NEGR1: variants seen among roughly 807,000 people sequenced by gnomAD.
NEGR1 encodes the protein IgLON family member 4.
A neutral mutation model predicts 40.9 loss-of-function variants in NEGR1; 10 were observed. That is an observed-to-expected ratio of 0.24 (90% CI 0.15 to 0.42). NEGR1 has a LOEUF of 0.42. Among genes scored for constraint, NEGR1 ranks in the 10% least tolerant of loss-of-function variants. The pLI is 1.00. For missense variants in NEGR1, 352 were observed against 438.9 expected (o/e 0.80, Z 1.77); for synonymous variants, 185 against 166.8 (o/e 1.11, Z -0.84).
intron 2 of NEGR1, among the ~76,000 whole-genome samples, chr1:71,821,309 A>G (rs538486811): frequency 6.6e-6 from 1 of 152,120 alleles, no homozygotes; most frequent in East Asian, 1.9e-4. Context: ...GGAAGAACAC[A>G]TGCATTCCAG....
chr1:71,659,929 G>A (rs2101589498), intron 4 of NEGR1, among the ~76,000 whole-genome samples: 1 of 152,242 alleles, frequency 6.6e-6, no homozygotes, highest in Admixed American at 6.5e-5. Flanking sequence ...ATTCCTTAAA[G>A]AGCTAAAACC....
chr1:72,079,527 T>C (rs191581232), intron 1 of NEGR1, among the ~76,000 whole-genome samples: 1 of 151,956 alleles, frequency 6.6e-6, no homozygotes. Context: ...AAAGAAAAAA[T>C]GAACTGAAGA....
intron 6 of NEGR1, among the ~76,000 whole-genome samples, chr1:71,443,265 A>G (rs964700044): frequency 3.3e-5 from 5 of 152,286 alleles, no homozygotes; most frequent in Admixed American, 3.3e-4. Flanking sequence ...AAGTGCCTTT[A>G]TAAGTCTTTC....
chr1:71,739,224 A>AAC (rs1655136297), intron 3 of NEGR1, among the ~76,000 whole-genome samples: 1 of 151,186 alleles, frequency 6.6e-6, no homozygotes, highest in African/African-American at 2.4e-5. Flanking sequence ...AAAACAAAAA[A>AAC]AAAAAACGTG....
chr1:72,145,050 T>C (rs1650855076), intron 1 of NEGR1, among the ~76,000 whole-genome samples: 1 of 152,082 alleles, frequency 6.6e-6, no homozygotes, highest in Non-Finnish European at 1.5e-5. Context: ...AACAAGGAAC[T>C]GTTTGGAAGA....
At chr1:72,069,832 T>G (rs1356434426) in intron 1 of NEGR1, among the ~76,000 whole-genome samples, 2 of 152,192 alleles carry the variant, frequency 1.3e-5, no homozygotes, top group Non-Finnish European at 2.9e-5. Flanking sequence ...TGATCTAGTC[T>G]TCTCAGAATG....
chr1:72,066,741 T>A (rs2200486), intron 1 of NEGR1, among the ~76,000 whole-genome samples: 87 of 152,214 alleles, frequency 5.7e-4, no homozygotes, highest in African/African-American at 2.0e-3. Flanking sequence ...GGCACCTTGA[T>A]CTTAGACCAC....
intron 1 of NEGR1, among the ~76,000 whole-genome samples, chr1:72,087,104 TATAACTCTACA>T (rs1446561080): frequency 6.6e-6 from 1 of 152,168 alleles, no homozygotes; most frequent in East Asian, 1.9e-4. Flanking sequence ...CTCCAAATTC[TATAACTCTACA>T]ATTACTTAGA....
intron 4 of NEGR1, among the ~76,000 whole-genome samples, chr1:71,654,008 A>G (rs1276676510): frequency 6.6e-6 from 1 of 152,168 alleles, no homozygotes; most frequent in Non-Finnish European, 1.5e-5. Context: ...GTATTATTCA[A>G]ACTTAAAAGA....
chr1:72,175,105 T>C (rs1218460954), intron 1 of NEGR1, among the ~76,000 whole-genome samples: 3 of 152,120 alleles, frequency 2.0e-5, no homozygotes, highest in Admixed American at 2.0e-4. Context: ...CTCCTAATGC[T>C]ATCCCTCCCC....
At chr1:72,211,345 C>T (rs560204837) in intron 1 of NEGR1, among the ~76,000 whole-genome samples, 2 of 151,562 alleles carry the variant, frequency 1.3e-5, no homozygotes, top group East Asian at 3.9e-4. Flanking sequence ...TTTATAAAGG[C>T]TTTTTTCTAA....
At chr1:71,856,673 C>A (rs1226862500) in intron 2 of NEGR1, among the ~76,000 whole-genome samples, 1 of 151,976 alleles carries the variant, frequency 6.6e-6, no homozygotes, top group Non-Finnish European at 1.5e-5. Context: ...TCCATTTATT[C>A]TTTTGTCCAT....
At position 71,409,907 on chromosome 1, in the gene NEGR1, CAGCAAGTTTTAATTGAACTAGGTA is replaced by C. The variant is rs1168993190; in HGVS notation, c.941-2361_941-2338del. ...TAGTAGTATAGTACATTCATTCATT[CAGCAAGTTTTAATTGAACTAGGTA>C]CCAAGCACTCTCCTAAGTGCTGGGA... On this transcript the variant is annotated intron_variant, in intron 6 of 6. Coordinates refer to ENST00000357731, the MANE Select transcript of NEGR1 (RefSeq NM_173808.3). 2.6e-5 allele frequency among the ~76,000 whole-genome samples: 4 copies of C among 152,076 alleles called. No homozygotes were observed. In the East Asian group the frequency reaches 5.8e-4, roughly 22 times the overall value.
chr1:71,594,787 A>C (rs956961612), intron 5 of NEGR1, among the ~76,000 whole-genome samples: 1 of 152,180 alleles, frequency 6.6e-6, no homozygotes, highest in African/African-American at 2.4e-5. Flanking sequence ...TGTGTAAAAA[A>C]CCAGTTTCAT....
chr1:71,562,877 C>G (rs776508292), intron 6 of NEGR1, among the ~76,000 whole-genome samples: 9 of 151,960 alleles, frequency 5.9e-5, no homozygotes, highest in Non-Finnish European at 1.3e-4. Context: ...ATATCACTTA[C>G]CTGGCTCATA....
chr1:71,688,129 C>G (rs973281946), intron 4 of NEGR1, among the ~76,000 whole-genome samples: 1 of 150,756 alleles, frequency 6.6e-6, no homozygotes, highest in Non-Finnish European at 1.5e-5. Flanking sequence ...AATCCTCATG[C>G]TCTCACTTTA....
chr1:71,627,202 T>C (rs151046496), intron 4 of NEGR1, among the ~76,000 whole-genome samples: 4 of 152,310 alleles, frequency 2.6e-5, no homozygotes, highest in African/African-American at 9.6e-5. Flanking sequence ...CACATGTATG[T>C]GTATTGCAGA....
chr1:72,121,522 G>A (rs1290359208), intron 1 of NEGR1, among the ~76,000 whole-genome samples: 2 of 151,944 alleles, frequency 1.3e-5, no homozygotes, highest in African/African-American at 2.4e-5. Context: ...TCGGGATTGT[G>A]ATATAGGCAA....
At chr1:72,041,933 T>TGTA (rs1272564497) in intron 1 of NEGR1, among the ~76,000 whole-genome samples, 3 of 144,300 alleles carry the variant, frequency 2.1e-5, no homozygotes, top group Non-Finnish European at 4.5e-5. Flanking sequence ...TTATATATAA[T>TGTA]ATATATTTGA....
Sources: allele counts gnomAD v4.1 joint callset (sites outside exome capture counted in the v4.1 genomes callset), GRCh38; gene constraint gnomAD v4.1.1; transcripts MANE v1.5; gene names NCBI Gene and HGNC (gene_info 2026-07-23, HGNC 2026-07-21).